MIPEP: variants seen among roughly 807,000 people sequenced by gnomAD.
The protein encoded by MIPEP is mitochondrial intermediate peptidase.
Under a neutral mutation model 90.3 loss-of-function variants are expected in MIPEP, and 79 were observed. That is an observed-to-expected ratio of 0.87 (90% confidence interval 0.73 to 1.05). MIPEP has a LOEUF of 1.05. MIPEP is among the 50% of genes least tolerant of loss of function. The pLI is 0.00. For missense variants in MIPEP, 940 were observed against 905.6 expected (o/e 1.04, Z -0.49); for synonymous variants, 334 against 315.8 (o/e 1.06, Z -0.61).
At chr13:23,819,488 G>C (rs1953280321) in intron 14 of MIPEP, among the ~76,000 whole-genome samples, 2 of 152,092 alleles carry the variant, frequency 1.3e-5, no homozygotes. Flanking sequence ...TTGTAGAATA[G>C]AGGCTGCCTA....
intron 1 of MIPEP, among the ~76,000 whole-genome samples, chr13:23,887,820 C>G (rs1445049869): frequency 1.3e-5 from 2 of 152,174 alleles, no homozygotes; most frequent in African/African-American, 4.8e-5. Context: ...AGTAATCTCT[C>G]TTCAAAATAT....
At chr13:23,836,449 T>C in intron 13 of MIPEP, 100 bp from the exon 14 acceptor site, 1 of 543,832 alleles carries the variant, frequency 1.8e-6, no homozygotes, top group Non-Finnish European at 3.1e-6. Context: ...TCTGATGAAC[T>C]GTAAGTTTTA....
At chr13:23,818,172 T>G (rs1953263595) in intron 14 of MIPEP, among the ~76,000 whole-genome samples, 1 of 152,052 alleles carries the variant, frequency 6.6e-6, no homozygotes, top group Admixed American at 6.5e-5. Flanking sequence ...ATCCCAGCAC[T>G]TTGGAAGGCT....
At position 23,867,395 on chromosome 13, in the gene MIPEP, G is replaced by A. The variant is rs114187512; in HGVS notation, c.943+1897C>T. Among the ~76,000 whole-genome samples the A allele has an allele frequency of 6.3e-3, 955 of 152,190 alleles. 16 individuals are homozygous for A. The highest frequency in any genetic ancestry group is 0.022 in the African/African-American group (929 of 41,512). ...TCATGCTTGTGTCTGTCAAGAGCAC[G>A]CTCACATTCCACATTCTAAGTGAGC... On this transcript the variant is annotated intron_variant, in intron 7 of 18. Transcript: ENST00000382172.
chr13:23,806,459 C>T (rs534611852), intron 15 of MIPEP, among the ~76,000 whole-genome samples: 1 of 152,178 alleles, frequency 6.6e-6, no homozygotes, highest in Non-Finnish European at 1.5e-5. Flanking sequence ...GGGAGGATCA[C>T]GAGGTCAGGA....
chr13:23,836,191 G>A (rs776288269), intron 14 of MIPEP, 49 bp downstream of exon 14: 14 of 1,214,860 alleles, frequency 1.2e-5, no homozygotes, highest in African/African-American at 9.4e-5. Context: ...TGTCATAAAC[G>A]CCAACTATCA....
At position 23,848,292 on chromosome 13, in the gene MIPEP, G is replaced by C. The variant is rs533550548; in HGVS notation, c.1107-6804C>G. 2.0e-5 allele frequency among the ~76,000 whole-genome samples: 3 copies of C among 152,206 alleles called. No homozygotes were observed. In the East Asian group the frequency reaches 5.8e-4, roughly 29 times the overall value. ...GGACAGGGACAAGACTAAACCCAGC[G>C]GTTTCTACTTCTATTCCAGTTCCCT... On this transcript the variant is annotated intron_variant, in intron 10 of 18. Transcript: ENST00000382172.
chr13:23,778,997 T>C (rs1377249557), intron 16 of MIPEP, among the ~76,000 whole-genome samples: 1 of 152,188 alleles, frequency 6.6e-6, no homozygotes, highest in Non-Finnish European at 1.5e-5. Context: ...GTACAACCTG[T>C]TTCCACACAT....
chr13:23,836,321 C>T lies in MIPEP; in HGVS notation c.1572G>A (p.Glu524=), dbSNP rs144717522. Residue 524 remains glutamate, a synonymous_variant, in exon 14 of 19, where the codon GAG becomes GAA. Coordinates refer to ENST00000382172, the MANE Select transcript of MIPEP (RefSeq NM_005932.4). ...AGTACTCCATCAGAATAGAAGGAACCTCAGCAAAATCAGTAGGGCACCTGG... is the reference window on the plus strand; with the variant it reads ...AGTACTCCATCAGAATAGAAGGAACTTCAGCAAAATCAGTAGGGCACCTGG... ...TGTRCPTDFA[E]VPSILMEYFA... 261 of 1,594,400 alleles carry T rather than the reference C, an allele frequency of 1.6e-4. 1 individual carries two copies. In the African/African-American group the frequency reaches 3.2e-3, roughly 20 times the overall value.
chr13:23,810,975 A>G (rs964376535), intron 14 of MIPEP, among the ~76,000 whole-genome samples: 2 of 152,228 alleles, frequency 1.3e-5, no homozygotes, highest in African/African-American at 2.4e-5. Context: ...ATTTTTAAAG[A>G]GCTAAGACAC....
intron 16 of MIPEP, among the ~76,000 whole-genome samples, chr13:23,787,387 A>C (rs1952855433): frequency 7.1e-6 from 1 of 140,182 alleles, no homozygotes. Context: ...AGAGAGCAAG[A>C]GCAAGAGACG....
intron 9 of MIPEP, among the ~76,000 whole-genome samples, chr13:23,860,631 T>C (rs1234984894): frequency 4.0e-5 from 6 of 151,476 alleles, no homozygotes; most frequent in African/African-American, 1.5e-4. Context: ...AGTGACAAGA[T>C]CAGATCTGCT....
intron 16 of MIPEP, among the ~76,000 whole-genome samples, chr13:23,776,460 C>T (rs1382088738): frequency 6.6e-6 from 1 of 152,102 alleles, no homozygotes; most frequent in African/African-American, 2.4e-5. Flanking sequence ...TTTCTGACTC[C>T]ACGAGGCAAA....
intron 18 of MIPEP, among the ~76,000 whole-genome samples, chr13:23,750,465 G>A (rs1952430770): frequency 6.6e-6 from 1 of 152,182 alleles, no homozygotes; most frequent in Non-Finnish European, 1.5e-5. Flanking sequence ...CCTGAATTTG[G>A]TGTGTCTGGC....
chr13:23,833,814 C>T (rs1868887803), intron 14 of MIPEP, among the ~76,000 whole-genome samples: 2 of 152,246 alleles, frequency 1.3e-5, no homozygotes, highest in African/African-American at 4.8e-5. Context: ...GCCCTGTGTT[C>T]GCGCCCCTCG....
At chr13:23,881,245 G>A (rs1871259825) in intron 3 of MIPEP, among the ~76,000 whole-genome samples, 1 of 152,078 alleles carries the variant, frequency 6.6e-6, no homozygotes, top group Non-Finnish European at 1.5e-5. Context: ...TCGCCCCGTG[G>A]CCCACAGCCA....
At chr13:23,829,007 CAA>C (rs1352420633) in intron 14 of MIPEP, among the ~76,000 whole-genome samples, 1 of 152,146 alleles carries the variant, frequency 6.6e-6, no homozygotes, top group Non-Finnish European at 1.5e-5. Flanking sequence ...ACAGCTTAAA[CAA>C]TGGAATGAAA....
intron 14 of MIPEP, among the ~76,000 whole-genome samples, chr13:23,826,347 C>T (rs187165484): frequency 1.8e-3 from 275 of 151,968 alleles, no homozygotes; most frequent in African/African-American, 6.5e-3. Flanking sequence ...AGTATGAAAC[C>T]GCAGACCCAA....
intron 10 of MIPEP, chr13:23,842,428 T>C (rs1017300841): frequency 3.9e-5 from 6 of 152,226 alleles, no homozygotes; most frequent in African/African-American, 7.2e-5. Context: ...ACTTTGGCTA[T>C]GGACATCCAC....
Sources: allele counts gnomAD v4.1 joint callset (sites outside exome capture counted in the v4.1 genomes callset), GRCh38; gene constraint gnomAD v4.1.1; transcripts MANE v1.5; gene names NCBI Gene and HGNC (gene_info 2026-07-23, HGNC 2026-07-21).